ANKRD36B: variants seen among roughly 807,000 people sequenced by gnomAD.
ANKRD36B encodes ankyrin repeat domain-containing protein 36B.
Under a neutral mutation model 135.7 loss-of-function variants are expected in ANKRD36B, and 37 were observed. The observed-to-expected ratio is 0.27, with a 90% CI of 0.21 to 0.36. The LOEUF is 0.36. Ranked by LOEUF, ANKRD36B falls within the 10% of genes least tolerant of loss-of-function variation. The pLI, the probability that ANKRD36B is intolerant of heterozygous loss-of-function variation, is 1.00. For synonymous variants in ANKRD36B, 179 were observed against 348.1 expected, an observed-to-expected ratio of 0.51 and a Z score of 5.41; for missense variants, 549 against 1,037.1, an observed-to-expected ratio of 0.53 and a Z score of 6.46.
intron 37 of ANKRD36B, among the ~76,000 whole-genome samples, chr2:97,513,851 T>TG (rs2077672718): frequency 9.1e-6 from 1 of 109,380 alleles, no homozygotes; most frequent in Admixed American, 8.1e-5. Context: ...TTTCCATTAA[T>TG]CCCAGGTCTT....
intron 1 of ANKRD36B, among the ~76,000 whole-genome samples, chr2:97,588,426 A>G (rs1391283576): frequency 1.3e-5 from 2 of 151,808 alleles, no homozygotes; most frequent in African/African-American, 2.4e-5. Context: ...GTGTTCCTGG[A>G]TTTTCTAACC....
intron 35 of ANKRD36B, among the ~76,000 whole-genome samples, chr2:97,529,259 C>A (rs1332442862): frequency 1.0e-5 from 1 of 95,456 alleles, no homozygotes; most frequent in East Asian, 2.3e-4. Context: ...ATACGCAAAT[C>A]AATAAATGTA....
chr2:97,494,632 A>G (rs1576746240), intron 43 of ANKRD36B, among the ~76,000 whole-genome samples: 1 of 104,306 alleles, frequency 9.6e-6, no homozygotes, highest in South Asian at 2.2e-4. Context: ...TGCAAACAAT[A>G]TCACTCTCTT....
At chr2:97,565,344 C>T (rs2104822163) in intron 6 of ANKRD36B, among the ~76,000 whole-genome samples, 1 of 152,022 alleles carries the variant, frequency 6.6e-6, no homozygotes, top group East Asian at 1.9e-4. Context: ...TATTTGAATA[C>T]CGTTTATTTC....
At chr2:97,576,077 C>T (rs1473684003) in intron 6 of ANKRD36B, among the ~76,000 whole-genome samples, 2 of 108,172 alleles carry the variant, frequency 1.8e-5, no homozygotes, top group East Asian at 2.1e-4. Flanking sequence ...AATTCATTAT[C>T]ATGTGACTAT....
chr2:97,578,524 T>C (rs1240556342), intron 5 of ANKRD36B, among the ~76,000 whole-genome samples: 1 of 152,030 alleles, frequency 6.6e-6, no homozygotes, highest in Non-Finnish European at 1.5e-5. Context: ...TGGTCCCCAG[T>C]ACACAACTCA....
At chr2:97,527,678 C>A (rs1252479575) in intron 35 of ANKRD36B, among the ~76,000 whole-genome samples, 1 of 95,406 alleles carries the variant, frequency 1.0e-5, no homozygotes, top group African/African-American at 3.2e-5. Context: ...TGCAGAGACA[C>A]ACATAGGTTC....
At chr2:97,528,658 A>C (rs1482478019) in intron 35 of ANKRD36B, among the ~76,000 whole-genome samples, 1 of 96,180 alleles carries the variant, frequency 1.0e-5, no homozygotes, top group African/African-American at 3.1e-5. Context: ...GACCGCTAGC[A>C]AGACTAATAA....
chr2:97,576,440 A>G lies in ANKRD36B; in HGVS notation c.702T>C (p.Phe234=). The G allele has an allele frequency of 1.2e-5, 14 of 1,207,052 alleles. No homozygotes were observed. Among genetic ancestry groups the G allele is most frequent in the Non-Finnish European group, 1.5e-5 (13 of 874,378 alleles). The allele number at this position is 1,207,052 out of a possible 1,614,324, so 74.8% of individuals were successfully genotyped here. The change falls in exon 6 of 44, where the codon TTT becomes TTC. Residue 234 remains phenylalanine (F), a synonymous_variant. Transcript: ENST00000359901. ...YASEAENRVI[F]DLIYEYKRKR... is the part of the protein sequence containing the mutation. ...TTCTTTTGTATTCATAAATTAGATCAAAAATGCTATGCATAAAAATAAATG... is the reference window on the plus strand; with the variant it reads ...TTCTTTTGTATTCATAAATTAGATCGAAAATGCTATGCATAAAAATAAATG...
intron 18 of ANKRD36B, among the ~76,000 whole-genome samples, chr2:97,550,438 GC>G (rs2079937739): frequency 6.6e-6 from 1 of 151,834 alleles, no homozygotes; most frequent in Admixed American, 6.6e-5. Context: ...TAATTAGAAT[GC>G]AACATAATTT....
chr2:97,561,591 A>T (rs547252144), intron 6 of ANKRD36B, among the ~76,000 whole-genome samples: 1 of 151,976 alleles, frequency 6.6e-6, no homozygotes, highest in South Asian at 2.1e-4. Context: ...TTTACAAAAT[A>T]AAGTTTCTAC....
At chr2:97,572,411 C>A (rs1326416172) in intron 6 of ANKRD36B, among the ~76,000 whole-genome samples, 2 of 118,952 alleles carry the variant, frequency 1.7e-5, no homozygotes, top group East Asian at 4.2e-4. Flanking sequence ...AAGTGTTTTA[C>A]ATTAAAACTA....
In ANKRD36B at chr2:97,576,411, C is replaced by A. The variant is rs759184844; in HGVS notation, c.731G>T (p.Arg244Ile). The part of the protein sequence containing the change: ...FDLIYEYKRK[R>I]YEDLPINSNP... ...GCTATTTATAGGAAGATCTTCATAT[C>A]TCTTTCTTTTGTATTCATAAATTAG... The change falls in exon 6 of 44, where the codon AGA (arginine) becomes ATA (isoleucine). Residue 244 changes from arginine (R) to isoleucine (I), a missense_variant. Coordinates refer to ENST00000359901, the MANE Select transcript of ANKRD36B (RefSeq NM_001393939.1). 3.8e-6 allele frequency: 5 copies of A among 1,326,236 alleles called. No homozygotes were observed. Among genetic ancestry groups the A allele is most frequent in the Non-Finnish European group, 1.0e-6 (1 of 976,530 alleles). The allele number at this position is 1,326,236 out of a possible 1,614,324, so 82.2% of individuals were successfully genotyped here.
At chr2:97,579,387 T>A (rs1405989245) in intron 4 of ANKRD36B, among the ~76,000 whole-genome samples, 2 of 141,442 alleles carry the variant, frequency 1.4e-5, no homozygotes, top group African/African-American at 5.1e-5. Context: ...TACATTATAA[T>A]GCAAAATCAG....
At chr2:97,573,156 A>G (rs563034814) in intron 6 of ANKRD36B, among the ~76,000 whole-genome samples, 15 of 152,106 alleles carry the variant, frequency 9.9e-5, no homozygotes, top group Non-Finnish European at 1.9e-4. Context: ...GAGTGACAAC[A>G]TGCGGTGTTT....
chr2:97,543,388 T>C (rs2104551085), intron 26 of ANKRD36B, among the ~76,000 whole-genome samples: 1 of 118,622 alleles, frequency 8.4e-6, no homozygotes. Flanking sequence ...TTCTACAGTG[T>C]CTACAGGTTA....
intron 6 of ANKRD36B, among the ~76,000 whole-genome samples, chr2:97,574,502 CTAGAAA>C (rs1282024056): frequency 5.1e-4 from 78 of 152,290 alleles, no homozygotes; most frequent in African/African-American, 1.6e-3. Flanking sequence ...GGATCTAGAA[CTAGAAA>C]TAGCATTTGA....
chr2:97,552,149 GA>G (rs2080125988), intron 16 of ANKRD36B, among the ~76,000 whole-genome samples: 1 of 151,754 alleles, frequency 6.6e-6, no homozygotes, highest in Admixed American at 6.6e-5. Flanking sequence ...GACACCAAAG[GA>G]TAATATACTA....
At chr2:97,514,179 G>C (rs1457002000) in intron 37 of ANKRD36B, among the ~76,000 whole-genome samples, 6 of 131,122 alleles carry the variant, frequency 4.6e-5, no homozygotes, top group Non-Finnish European at 9.1e-5. Context: ...TCATATGTTG[G>C]TTTATTATCC....
Sources: allele counts gnomAD v4.1 joint callset (sites outside exome capture counted in the v4.1 genomes callset), GRCh38; gene constraint gnomAD v4.1.1; transcripts MANE v1.5; gene names NCBI Gene and HGNC (gene_info 2026-07-23, HGNC 2026-07-21).